Variants in PAPSS1 observed in about 807,000 individuals in gnomAD.
The protein encoded by PAPSS1 is 3'-phosphoadenosine 5'-phosphosulfate synthase 1, also known as bifunctional 3'-phosphoadenosine 5'-phosphosulfate synthase 1.
In PAPSS1, 50 loss-of-function variants were observed where a neutral mutation model predicts 72.0. That is an observed-to-expected ratio of 0.69 (90% confidence interval 0.55 to 0.88). PAPSS1 has a LOEUF of 0.88. Ranked by LOEUF, PAPSS1 falls within the 40% of genes least tolerant of loss-of-function variation. The pLI, the probability that PAPSS1 is intolerant of heterozygous loss-of-function variation, is 0.00. For missense variants in PAPSS1, 657 were observed against 782.2 expected (o/e 0.84, Z 1.91); for synonymous variants, 261 against 263.6 (o/e 0.99, Z 0.09).
At chr4:107,620,446 TG>T (rs1304048623) in intron 11 of PAPSS1, among the ~76,000 whole-genome samples, 1 of 152,212 alleles carries the variant, frequency 6.6e-6, no homozygotes, top group Non-Finnish European at 1.5e-5. Context: ...AAAGACCAAT[TG>T]AAAGACATGA....
chr4:107,643,835 T>C (rs1451733285), intron 10 of PAPSS1, among the ~76,000 whole-genome samples: 1 of 152,218 alleles, frequency 6.6e-6, no homozygotes, highest in East Asian at 1.9e-4. Context: ...GTAACTCAAA[T>C]AATATGTACT....
intron 1 of PAPSS1, among the ~76,000 whole-genome samples, chr4:107,712,126 T>G (rs529944510): frequency 3.3e-5 from 5 of 152,296 alleles, no homozygotes; most frequent in African/African-American, 9.6e-5. Flanking sequence ...TTCTAAATAT[T>G]TAATAGGTTT....
intron 5 of PAPSS1, among the ~76,000 whole-genome samples, chr4:107,672,516 G>C (rs565000014): frequency 6.6e-6 from 1 of 152,288 alleles, no homozygotes; most frequent in South Asian, 2.1e-4. Context: ...AGTGAGGCTG[G>C]GGGAGGGGTG....
chr4:107,636,090 A>G (rs1040810816), intron 10 of PAPSS1, among the ~76,000 whole-genome samples: 8 of 152,218 alleles, frequency 5.3e-5, no homozygotes, highest in Admixed American at 4.6e-4. Flanking sequence ...AAGATATCCG[A>G]AAGTCAAGAT....
At chr4:107,630,791 T>C (rs1453341087) in intron 11 of PAPSS1, among the ~76,000 whole-genome samples, 2 of 152,182 alleles carry the variant, frequency 1.3e-5, no homozygotes, top group Non-Finnish European at 2.9e-5. Flanking sequence ...TTATACAAGC[T>C]ACTTAGCCTT....
At chr4:107,695,502 C>T (rs915770501) in intron 2 of PAPSS1, among the ~76,000 whole-genome samples, 1 of 152,100 alleles carries the variant, frequency 6.6e-6, no homozygotes, top group Non-Finnish European at 1.5e-5. Context: ...TGCCTGATCG[C>T]CCTGGCCAGA....
At chr4:107,677,376 G>A (rs1392376221) in intron 5 of PAPSS1, among the ~76,000 whole-genome samples, 1 of 152,154 alleles carries the variant, frequency 6.6e-6, no homozygotes, top group Non-Finnish European at 1.5e-5. Flanking sequence ...GTGGGAGAAG[G>A]ATATGAACAG....
chr4:107,674,846 G>A (rs1233403337), intron 5 of PAPSS1, among the ~76,000 whole-genome samples: 2 of 152,178 alleles, frequency 1.3e-5, no homozygotes, highest in African/African-American at 4.8e-5. Flanking sequence ...TCAGACCACA[G>A]TGCAATCAAA....
intron 5 of PAPSS1, among the ~76,000 whole-genome samples, chr4:107,681,120 G>A (rs1423604582): frequency 6.6e-6 from 1 of 152,146 alleles, no homozygotes; most frequent in African/African-American, 2.4e-5. Context: ...CTAGATGAAA[G>A]AGGTTTATAA....
intron 4 of PAPSS1, among the ~76,000 whole-genome samples, chr4:107,682,359 G>A (rs777330228): frequency 3.3e-5 from 5 of 151,868 alleles, no homozygotes; most frequent in African/African-American, 4.8e-5. Flanking sequence ...CCACAAAAAT[G>A]TAAAAAATGT....
intron 11 of PAPSS1, among the ~76,000 whole-genome samples, chr4:107,626,369 GTATC>G (rs1726098346): frequency 6.6e-6 from 1 of 152,002 alleles, no homozygotes; most frequent in Non-Finnish European, 1.5e-5. Context: ...GAATAATCCT[GTATC>G]TATCTACCCT....
chr4:107,644,822 T>A lies in PAPSS1; in HGVS notation c.1486A>T (p.Met496Leu), dbSNP rs1726648799. The A allele has an allele frequency of 6.2e-7, 1 of 1,613,002 alleles. No individual in the cohort carries two copies. Among genetic ancestry groups the A allele is most frequent in the Non-Finnish European group, 8.5e-7 (1 of 1,179,698 alleles). ...TCTACCTCAGTTGGTCCAGCATACATCATGGGAGATGGGAAGATGGCCACC... is the reference window on the plus strand; with the variant it reads ...TCTACCTCAGTTGGTCCAGCATACAACATGGGAGATGGGAAGATGGCCACC... ...TVVAIFPSPM[M>L]YAGPTEVQWH... The change falls in exon 10 of 12, where the codon ATG (methionine) becomes TTG (leucine). Residue 496 changes from methionine to leucine, a missense_variant. This residue lies in a region of PAPSS1 where 166 missense variants were observed against 228.3 expected (regional missense o/e 0.73). Transcript: ENST00000265174.
chr4:107,667,166 A>G (rs967503917), intron 5 of PAPSS1, among the ~76,000 whole-genome samples: 2 of 152,202 alleles, frequency 1.3e-5, no homozygotes, highest in Non-Finnish European at 2.9e-5. Flanking sequence ...CGTAAAGCCT[A>G]CATAAAAACT....
chr4:107,674,006 T>C (rs941991741), intron 5 of PAPSS1, among the ~76,000 whole-genome samples: 1 of 152,132 alleles, frequency 6.6e-6, no homozygotes. Context: ...CTAAGAGATT[T>C]TGTCACCACC....
At chr4:107,642,354 T>C (rs1325890803) in intron 10 of PAPSS1, among the ~76,000 whole-genome samples, 1 of 152,174 alleles carries the variant, frequency 6.6e-6, no homozygotes, top group African/African-American at 2.4e-5. Context: ...TCTCTACCAT[T>C]TACTAATACT....
chr4:107,634,271 C>T (rs987285028), intron 10 of PAPSS1, among the ~76,000 whole-genome samples: 3 of 152,140 alleles, frequency 2.0e-5, no homozygotes, highest in Non-Finnish European at 2.9e-5. Context: ...CCACCTCAGC[C>T]TCCCAAAGTG....
intron 9 of PAPSS1, among the ~76,000 whole-genome samples, chr4:107,649,993 C>A (rs1196640457): frequency 1.3e-5 from 2 of 152,222 alleles, no homozygotes; most frequent in African/African-American, 4.8e-5. Context: ...TTAAAGATTT[C>A]TCAATCCTTC....
At chr4:107,677,962 C>T (rs1245457196) in intron 5 of PAPSS1, among the ~76,000 whole-genome samples, 3 of 152,148 alleles carry the variant, frequency 2.0e-5, no homozygotes, top group Non-Finnish European at 4.4e-5. Flanking sequence ...CACACGTTCT[C>T]ACTCATAGGT....
chr4:107,618,909 A>G (rs1725889702), intron 11 of PAPSS1, among the ~76,000 whole-genome samples: 1 of 152,172 alleles, frequency 6.6e-6, no homozygotes, highest in Non-Finnish European at 1.5e-5. Context: ...ATGTAAAATT[A>G]AAAACTGGTT....
Sources: gnomAD v4.1 joint callset for allele counts (sites outside exome capture counted in the v4.1 genomes callset) on GRCh38, gnomAD v4.1.1 for gene constraint, gnomAD v4.1.1 regional missense constraint, MANE v1.5 for transcripts, NCBI Gene and HGNC (gene_info 2026-07-23, HGNC 2026-07-21) for gene names.